The following NCS1 variants were observed in gnomAD, a reference collection of about 807,000 sequenced individuals.
The protein encoded by NCS1 is frequenin homolog.
A neutral mutation model predicts 28.4 loss-of-function variants in NCS1; 6 were observed. That is an observed-to-expected ratio of 0.21 (90% CI 0.12 to 0.42). The LOEUF is 0.42. Ranked by LOEUF, NCS1 falls within the 10% of genes least tolerant of loss-of-function variation. The probability of loss-of-function intolerance (pLI) is 1.00; values close to 1 mark genes in which losing one functional copy is unlikely to be tolerated. For missense variants in NCS1, 131 were observed against 241.4 expected (o/e 0.54, Z 3.03); for synonymous variants, 86 against 99.3 (o/e 0.87, Z 0.79).
chr9:130,202,354 A>AACC (rs1832961610), intron 2 of NCS1, among the ~76,000 whole-genome samples: 1 of 113,338 alleles, frequency 8.8e-6, no homozygotes, highest in Non-Finnish European at 1.8e-5. Context: ...CCTCCCCCCC[A>AACC]CCCCCTGAAA....
intron 7 of NCS1, among the ~76,000 whole-genome samples, chr9:130,228,792 G>A (rs1362177996): frequency 2.0e-5 from 3 of 150,746 alleles, no homozygotes; most frequent in South Asian, 2.1e-4. Context: ...TCAGCTTCCC[G>A]AGTAGCTGGG....
intron 2 of NCS1, among the ~76,000 whole-genome samples, chr9:130,214,049 C>A (rs575436443): frequency 8.2e-4 from 125 of 152,370 alleles, no homozygotes; most frequent in Non-Finnish European, 1.4e-3. Flanking sequence ...CCTCACCGGA[C>A]AAACATGCCC....
intron 1 of NCS1, among the ~76,000 whole-genome samples, chr9:130,173,674 C>T (rs1554904331): frequency 6.6e-6 from 1 of 152,156 alleles, no homozygotes; most frequent in African/African-American, 2.4e-5. Flanking sequence ...GACAGTGGTT[C>T]TGGGCTTGGG....
chr9:130,204,554 G>A (rs1191747728), intron 2 of NCS1, among the ~76,000 whole-genome samples: 1 of 152,202 alleles, frequency 6.6e-6, no homozygotes, highest in Non-Finnish European at 1.5e-5. Context: ...CTCCCGAGTA[G>A]CTGAGACGGC....
Position 130,192,122 on chromosome 9 carries a change from G to GTAAGATGGGT in NCS1, c.65-8836_65-8835insTAAGATGGGT, listed in dbSNP as rs1564705271. Among the ~76,000 whole-genome samples the GTAAGATGGGT allele has an allele frequency of 3.9e-5, 6 of 152,174 alleles. No individual in the cohort carries two copies. Among genetic ancestry groups the GTAAGATGGGT allele is most frequent in the Non-Finnish European group, 7.4e-5 (5 of 68,020 alleles). ...TGGGGCCCAGCTGCCCTTTAGCCAG[G>GTAAGATGGGT]CAGTGGTGGCAGACAGGTATGGGAT... On this transcript the variant is annotated intron_variant, in intron 1 of 7. Transcript: ENST00000372398. The surrounding 1 kb of genome is among the most constrained non-coding windows in gnomAD (Gnocchi z 4.8).
rs375820780 is a variant in NCS1, at chr9:130,197,484, C to T, written c.65-3474C>T. On this transcript the variant is annotated intron_variant, in intron 1 of 7. Coordinates refer to ENST00000372398, the MANE Select transcript of NCS1 (RefSeq NM_014286.4). Reference sequence around the variant, plus strand: ...GGCAAACCCAGGCTGAGGATGGGCACGTTCCTCTGGTCGCCTCTCCACCCC... The same window carrying T: ...GGCAAACCCAGGCTGAGGATGGGCATGTTCCTCTGGTCGCCTCTCCACCCC... Among the ~76,000 whole-genome samples the T allele has an allele frequency of 4.1e-4, 62 of 152,290 alleles. No homozygotes were observed. In the South Asian group the frequency reaches 0.011, roughly 27 times the overall value.
intron 2 of NCS1, among the ~76,000 whole-genome samples, chr9:130,208,801 G>A (rs1554908396): frequency 6.6e-6 from 1 of 152,140 alleles, no homozygotes; most frequent in Admixed American, 6.6e-5. Flanking sequence ...CGGAGAATAC[G>A]AGGAGCGGCC....
intron 2 of NCS1, among the ~76,000 whole-genome samples, chr9:130,211,090 T>C (rs1367201291): frequency 7.2e-6 from 1 of 138,068 alleles, no homozygotes; most frequent in Non-Finnish European, 1.5e-5. Flanking sequence ...TGGGCTCAGG[T>C]GATCCTCCTG....
chr9:130,204,688 G>T (rs10739776), intron 2 of NCS1, among the ~76,000 whole-genome samples: 135,372 of 152,052 alleles, frequency 0.89, 60,881 homozygotes, highest in East Asian at 1. Context: ...AAAAGGAGGG[G>T]GATAATAGTA....
At chr9:130,229,955 C>T (rs1205141137) in intron 7 of NCS1, among the ~76,000 whole-genome samples, 1 of 152,208 alleles carries the variant, frequency 6.6e-6, no homozygotes, top group African/African-American at 2.4e-5. Context: ...CATCATTTTT[C>T]ATAGCTGCAT....
intron 1 of NCS1, among the ~76,000 whole-genome samples, chr9:130,176,734 T>C (rs1832576673): frequency 6.6e-6 from 1 of 152,306 alleles, no homozygotes; most frequent in South Asian, 2.1e-4. Flanking sequence ...GCCTGTTCAT[T>C]AAGTGCTCAC....
chr9:130,202,415 G>T (rs1224769098), intron 2 of NCS1, among the ~76,000 whole-genome samples: 2 of 141,050 alleles, frequency 1.4e-5, no homozygotes, highest in Non-Finnish European at 3.0e-5. Flanking sequence ...CCCTGGGACA[G>T]CCGATGACTT....
At chr9:130,195,211 G>C in intron 1 of NCS1, among the ~76,000 whole-genome samples, 1 of 152,222 alleles carries the variant, frequency 6.6e-6, no homozygotes, top group East Asian at 1.9e-4. Flanking sequence ...AGATCAGAGG[G>C]AGCCCTGGCC....
rs888594703 is a variant in NCS1 at position 130,200,743 on chromosome 9, G to A, written c.65-215G>A. ...AGGTAGCACTTGGGCACCGGGAAGG[G>A]GTGGGGCCAGTGTCCCCTGCTGGGG... On this transcript the variant is annotated intron_variant, in intron 1 of 7. Coordinates refer to ENST00000372398, the MANE Select transcript of NCS1 (RefSeq NM_014286.4). 34 of 1,434,440 alleles carry A rather than the reference G, an allele frequency of 2.4e-5. No homozygotes were observed. The African/African-American group carries it at 3.7e-4, about 16-fold the overall frequency. The allele number at this position is 1,434,440 out of a possible 1,614,324, so 88.9% of individuals were successfully genotyped here.
chr9:130,193,111 G>A (rs1832838200), intron 1 of NCS1, among the ~76,000 whole-genome samples: 1 of 152,208 alleles, frequency 6.6e-6, no homozygotes, highest in Non-Finnish European at 1.5e-5. Context: ...GGCCAGCGGT[G>A]CACTCCCTCC....
At chr9:130,221,399 T>TAGAGAG (rs1286299307) in intron 4 of NCS1, among the ~76,000 whole-genome samples, 7 of 49,994 alleles carry the variant, frequency 1.4e-4, no homozygotes, top group Admixed American at 2.6e-4. Flanking sequence ...TATATATATA[T>TAGAGAG]ATATATATAT....
intron 4 of NCS1, among the ~76,000 whole-genome samples, chr9:130,222,155 T>A: frequency 6.8e-6 from 1 of 147,042 alleles, no homozygotes; most frequent in African/African-American, 2.5e-5. Flanking sequence ...TATATATATG[T>A]ATATACAGAG....
intron 1 of NCS1, chr9:130,200,412 C>A: frequency 1.5e-6 from 1 of 649,790 alleles, no homozygotes; most frequent in Non-Finnish European, 2.7e-6. Context: ...TCATGTCTTG[C>A]CAGTGAAAGA....
chr9:130,211,295 G>A (rs1390211638), intron 2 of NCS1, among the ~76,000 whole-genome samples: 2 of 151,518 alleles, frequency 1.3e-5, no homozygotes, highest in Non-Finnish European at 2.9e-5. Context: ...CTGAAATTGG[G>A]GGCCTGCATG....
Sources: allele counts gnomAD v4.1 joint callset (sites outside exome capture counted in the v4.1 genomes callset), GRCh38; gene constraint gnomAD v4.1.1; non-coding constraint Gnocchi (gnomAD v3.1); transcripts MANE v1.5; gene names NCBI Gene and HGNC (gene_info 2026-07-23, HGNC 2026-07-21).